The following UPP1 variants were observed in gnomAD, a reference collection of about 807,000 sequenced individuals.
The protein encoded by UPP1 is UPase 1.
Under a neutral mutation model 29.6 loss-of-function variants are expected in UPP1, and 25 were observed. The observed-to-expected ratio is 0.85, with a 90% CI of 0.62 to 1.18. UPP1 has a LOEUF of 1.18. Ranked by LOEUF, UPP1 falls within the 50% of genes most tolerant of loss-of-function variation. The probability of loss-of-function intolerance (pLI) is 0.00; values close to 1 mark genes in which losing one functional copy is unlikely to be tolerated. For missense variants in UPP1, 368 were observed against 410.4 expected, an observed-to-expected ratio of 0.90 and a Z score of 0.89; for synonymous variants, 165 against 159.8, an observed-to-expected ratio of 1.03 and a Z score of -0.25.
At chr7:48,101,615 T>A (rs1405297390) in intron 4 of UPP1, among the ~76,000 whole-genome samples, 1 of 152,172 alleles carries the variant, frequency 6.6e-6, no homozygotes, top group African/African-American at 2.4e-5. Flanking sequence ...TGCCTTTTGA[T>A]GCTTGGCCGC....
chr7:48,103,940 C>A, intron 6 of UPP1: 1 of 1,260,234 alleles, frequency 7.9e-7, no homozygotes, highest in Non-Finnish European at 1.0e-6. Flanking sequence ...AGATGGTTGG[C>A]CGGGCGCGGT....
rs559728137 is a variant in UPP1 at position 48,091,240 on chromosome 7, T to C, written c.-22+876T>C. On this transcript the variant is annotated intron_variant, in intron 2 of 8. Coordinates refer to ENST00000395564, the MANE Select transcript of UPP1 (RefSeq NM_003364.4). Reference sequence around the variant, plus strand: ...TATGCAAGTAACTTACCAATCTGATTTGAGTTTAACGGGTTAAAACTAAAA... The same window carrying C: ...TATGCAAGTAACTTACCAATCTGATCTGAGTTTAACGGGTTAAAACTAAAA... Among the ~76,000 whole-genome samples, 5 of 151,436 alleles carry C rather than the reference T, an allele frequency of 3.3e-5. No homozygotes were observed. The South Asian group carries it at 1.0e-3, about 31-fold the overall frequency.
At chr7:48,089,230 C>G (rs918824577), upstream of UPP1, 6 of 152,334 alleles carry the variant, frequency 3.9e-5, no homozygotes, top group African/African-American at 1.4e-4. Flanking sequence ...CGCTCGCAGA[C>G]TCCATATGAG....
chr7:48,099,371 C>T (rs1208004187), intron 3 of UPP1, among the ~76,000 whole-genome samples: 2 of 152,194 alleles, frequency 1.3e-5, no homozygotes, highest in African/African-American at 2.4e-5. Context: ...CTCCCTACTC[C>T]TTGTATGGGT....
chr7:48,098,101 C>G (rs1310485646), intron 3 of UPP1, among the ~76,000 whole-genome samples: 3 of 152,106 alleles, frequency 2.0e-5, no homozygotes, highest in Non-Finnish European at 4.4e-5. Flanking sequence ...CCCTGCCTGC[C>G]CATACAGGAG....
At position 48,108,425 on chromosome 7, in the gene UPP1, T is replaced by C; in HGVS notation, c.*68T>C. On this transcript the variant is annotated 3_prime_UTR_variant, in exon 9 of 9. Transcript: ENST00000395564. ...ATTAAAAGCATTGTCCAAAATCCCCTGTTGTGTGGACTTTGAGCACACTTT... is the reference window on the plus strand; with the variant it reads ...ATTAAAAGCATTGTCCAAAATCCCCCGTTGTGTGGACTTTGAGCACACTTT... The C allele has an allele frequency of 6.5e-7, 1 of 1,539,850 alleles. No individual in the cohort carries two copies. The highest frequency in any genetic ancestry group is 8.8e-7 in the Non-Finnish European group (1 of 1,132,932).
rs563049186 is a variant in UPP1 at position 48,108,534 on chromosome 7, G to A, written c.*177G>A. The A allele has an allele frequency of 2.9e-6, 2 of 699,236 alleles. No individual in the cohort carries two copies. The highest frequency in any genetic ancestry group is 4.2e-6 in the Non-Finnish European group (2 of 475,618). 43.3% of individuals were successfully genotyped at this position (699,236 alleles called of 1,614,324 possible). On this transcript the variant is annotated 3_prime_UTR_variant, in exon 9 of 9. Transcript: ENST00000395564. ...CATGGGAGATGTTCTTCCTTTTGAA[G>A]TTTCATTGGAGCATTTTCAATGATG...
chr7:48,108,628 C>T lies in UPP1; in HGVS notation c.*271C>T. 3.3e-6 allele frequency: 1 copy of T among 299,350 alleles called. No homozygotes were observed. Among genetic ancestry groups the T allele is most frequent in the East Asian group, 5.8e-5 (1 of 17,362 alleles). 18.5% of individuals were successfully genotyped at this position (299,350 alleles called of 1,614,324 possible). A position where few individuals can be genotyped will look rare whatever the true frequency, so the allele number is the denominator to read the frequency against. The stretch of plus-strand genomic sequence containing the variant: ...TTGTACTATTTCTAGGGAAATTTTT[C>T]AGACTTTAAAATTCTAATGGTAGTC... On this transcript the variant is annotated 3_prime_UTR_variant, in exon 9 of 9. Transcript: ENST00000395564.
At chr7:48,103,244 C>A in intron 5 of UPP1, 53 bp from the exon 6 acceptor site, 1 of 1,372,988 alleles carries the variant, frequency 7.3e-7, no homozygotes, top group Non-Finnish European at 1.0e-6. Flanking sequence ...TCAGCCAGAA[C>A]ATTGACAAAG....
rs764180625 is a variant in UPP1 at position 48,102,020 on chromosome 7, T to C, written c.321+38T>C. ...CTTCCCTTGTGCTCAGTCTCTAGGC[T>C]CTGCAACCCCCTGTGCCCCACCCCT... On this transcript the variant is annotated intron_variant, in intron 5 of 8. Coordinates refer to ENST00000395564, the MANE Select transcript of UPP1 (RefSeq NM_003364.4). 6.3e-6 allele frequency: 10 copies of C among 1,596,554 alleles called. No homozygotes were observed. The South Asian group carries it at 1.1e-4, about 18-fold the overall frequency.
At chr7:48,089,995 G>C (rs1347051982) in intron 1 of UPP1, among the ~76,000 whole-genome samples, 193 bp from the exon 2 acceptor site, 1 of 152,260 alleles carries the variant, frequency 6.6e-6, no homozygotes, top group African/African-American at 2.4e-5. Flanking sequence ...CGAGCTTTCA[G>C]AGTTCAGATG....
intron 4 of UPP1, among the ~76,000 whole-genome samples, chr7:48,101,455 G>A (rs1423727795): frequency 6.6e-6 from 1 of 152,136 alleles, no homozygotes; most frequent in African/African-American, 2.4e-5. Flanking sequence ...AACACAGAGG[G>A]ACAGTGAGGA....
chr7:48,106,344 C>T, intron 6 of UPP1: 3 of 153,048 alleles, frequency 2.0e-5, no homozygotes, highest in Admixed American at 6.4e-5. Flanking sequence ...GGAGTTTGCT[C>T]TTTTTGCCCA....
chr7:48,101,456 A>T (rs1383203037), intron 4 of UPP1, among the ~76,000 whole-genome samples: 1 of 152,034 alleles, frequency 6.6e-6, no homozygotes, highest in Non-Finnish European at 1.5e-5. Flanking sequence ...ACACAGAGGG[A>T]CAGTGAGGAG....
chr7:48,094,162 A>G (rs1292491745), intron 2 of UPP1, among the ~76,000 whole-genome samples: 2 of 152,038 alleles, frequency 1.3e-5, no homozygotes, highest in East Asian at 1.9e-4. Flanking sequence ...TGTCTCTATT[A>G]AAAAAAGGGA....
chr7:48,104,482 T>G (rs748107776), intron 6 of UPP1, among the ~76,000 whole-genome samples: 1 of 152,266 alleles, frequency 6.6e-6, no homozygotes, highest in East Asian at 1.9e-4. Flanking sequence ...CTAGAGAAAG[T>G]TGAGCTTTGC....
upstream of UPP1, chr7:48,088,838 G>A (rs1306955540): frequency 6.6e-6 from 1 of 152,394 alleles, no homozygotes; most frequent in Non-Finnish European, 1.5e-5. Flanking sequence ...AGACAGACCG[G>A]GGATCCTGCC....
At position 48,099,683 on chromosome 7, in the gene UPP1, AGAC is replaced by A. The variant is rs1792314547; in HGVS notation, c.59_61del (p.Arg20_Leu21delinsIle). On this transcript the variant is annotated inframe_deletion, in exon 4 of 9. Coordinates refer to ENST00000395564, the MANE Select transcript of UPP1 (RefSeq NM_003364.4). ...GTTTTTTAACAGTGATTGCCCCGTC[AGAC>A]TTTTAAATCCAAACATAGCAAAAAT... 6.2e-7 allele frequency: 1 copy of A among 1,611,964 alleles called. No individual in the cohort carries two copies. Among genetic ancestry groups the A allele is most frequent in the Non-Finnish European group, 8.5e-7 (1 of 1,178,206 alleles).
At chr7:48,090,714 C>A (rs1302190723) in intron 2 of UPP1, among the ~76,000 whole-genome samples, 1 of 152,196 alleles carries the variant, frequency 6.6e-6, no homozygotes, top group Non-Finnish European at 1.5e-5. Flanking sequence ...TCCCGCCTTT[C>A]AGTTTGTTTG....
Sources: allele counts gnomAD v4.1 joint callset (sites outside exome capture counted in the v4.1 genomes callset), GRCh38; gene constraint gnomAD v4.1.1; transcripts MANE v1.5; gene names NCBI Gene and HGNC (gene_info 2026-07-23, HGNC 2026-07-21).